Variants in SMYD3 observed in about 807,000 individuals in gnomAD.
SMYD3 encodes the protein histone-lysine N-methyltransferase SMYD3.
Under a neutral mutation model 57.7 loss-of-function variants are expected in SMYD3, and 36 were observed. The ratio of observed to expected loss-of-function variants is 0.62; its 90% CI spans 0.48 to 0.82. SMYD3 has a LOEUF of 0.82. Ranked by LOEUF, SMYD3 falls within the 40% of genes least tolerant of loss-of-function variation. SMYD3 has a pLI of 0.00. For synonymous variants in SMYD3, 211 were observed against 195.0 expected (o/e 1.08, Z -0.68); for missense variants, 515 against 538.8 (o/e 0.96, Z 0.44).
intron 5 of SMYD3, among the ~76,000 whole-genome samples, chr1:246,180,838 T>C (rs2148285733): frequency 7.4e-6 from 1 of 135,598 alleles, no homozygotes; most frequent in Middle Eastern, 4.5e-3. Context: ...TCACTATACC[T>C]AGTTTCCAGC....
intron 5 of SMYD3, among the ~76,000 whole-genome samples, chr1:246,004,282 AAAAG>A (rs982755742): frequency 4.9e-4 from 75 of 152,348 alleles, no homozygotes; most frequent in African/African-American, 1.6e-3. Flanking sequence ...AAAAATGCAA[AAAAG>A]AGAGAGAAGA....
chr1:246,384,553 G>A (rs974581305), intron 1 of SMYD3, among the ~76,000 whole-genome samples: 38 of 151,946 alleles, frequency 2.5e-4, no homozygotes, highest in Non-Finnish European at 4.3e-4. Flanking sequence ...CCGCCACCAC[G>A]CCCGGCTAAT....
At chr1:245,858,395 G>A in intron 10 of SMYD3, 101 bp downstream of exon 10, 1 of 1,190,944 alleles carries the variant, frequency 8.4e-7, no homozygotes, top group Non-Finnish European at 1.2e-6. Flanking sequence ...AGCTGGAAAT[G>A]CTCCATGCAA....
At chr1:246,035,986 C>A (rs2059766739) in intron 5 of SMYD3, among the ~76,000 whole-genome samples, 1 of 152,166 alleles carries the variant, frequency 6.6e-6, no homozygotes, top group South Asian at 2.1e-4. Flanking sequence ...ATAAATCGAA[C>A]CAACAGATGG....
At chr1:246,411,255 C>A (rs2066963320) in intron 1 of SMYD3, among the ~76,000 whole-genome samples, 1 of 152,064 alleles carries the variant, frequency 6.6e-6, no homozygotes, top group African/African-American at 2.4e-5. Flanking sequence ...CAGAGAAATG[C>A]AAATCAAAAC....
chr1:245,905,207 G>C (rs747170453), intron 8 of SMYD3, among the ~76,000 whole-genome samples: 1 of 151,836 alleles, frequency 6.6e-6, no homozygotes, highest in Non-Finnish European at 1.5e-5. Context: ...TTCTGTTTGA[G>C]AAAAGCAGAG....
At chr1:246,172,869 G>T (rs562838894) in intron 5 of SMYD3, among the ~76,000 whole-genome samples, 4 of 146,126 alleles carry the variant, frequency 2.7e-5, no homozygotes, top group Admixed American at 2.7e-4. Flanking sequence ...ACACACTTAG[G>T]CTACACAGGC....
intron 1 of SMYD3, among the ~76,000 whole-genome samples, chr1:246,394,055 A>G (rs534293147): frequency 1.3e-5 from 2 of 152,124 alleles, no homozygotes; most frequent in East Asian, 1.9e-4. Flanking sequence ...CAGTTAAATT[A>G]CTCCTCTCTG....
At chr1:246,468,244 G>A (rs12125376) in intron 1 of SMYD3, among the ~76,000 whole-genome samples, 72,365 of 151,448 alleles carry the variant, frequency 0.48, 17,728 homozygotes, top group Middle Eastern at 0.67. Context: ...AAGTAAATCA[G>A]TAAACATGAT....
chr1:246,347,749 T>C (rs1414651989), intron 2 of SMYD3, among the ~76,000 whole-genome samples: 1 of 152,040 alleles, frequency 6.6e-6, no homozygotes, highest in East Asian at 1.9e-4. Context: ...CCTCACTACA[T>C]ATAGCCATCT....
At chr1:246,351,145 C>T (rs534305571) in intron 2 of SMYD3, among the ~76,000 whole-genome samples, 16 of 152,210 alleles carry the variant, frequency 1.1e-4, no homozygotes, top group African/African-American at 3.9e-4. Flanking sequence ...AAAATGTAAA[C>T]CCAAAAATAC....
intron 1 of SMYD3, among the ~76,000 whole-genome samples, chr1:246,458,929 A>G (rs916794810): frequency 6.6e-6 from 1 of 152,182 alleles, no homozygotes; most frequent in Non-Finnish European, 1.5e-5. Context: ...CATCTGACCC[A>G]GTAGGCAAAA....
intron 1 of SMYD3, among the ~76,000 whole-genome samples, chr1:246,396,470 C>T (rs1302913895): frequency 6.6e-6 from 1 of 152,250 alleles, no homozygotes; most frequent in Non-Finnish European, 1.5e-5. Context: ...ACTGGATATA[C>T]ATCATCAACG....
chr1:245,938,504 G>T (rs2057074946), intron 5 of SMYD3, among the ~76,000 whole-genome samples: 1 of 152,210 alleles, frequency 6.6e-6, no homozygotes, highest in Admixed American at 6.5e-5. Context: ...AGGTCAGACA[G>T]CCCCTCTTTT....
intron 5 of SMYD3, among the ~76,000 whole-genome samples, chr1:245,961,535 G>A (rs1187555591): frequency 2.2e-3 from 2 of 900 alleles, no homozygotes; most frequent in African/African-American, 2.8e-3. Context: ...CAAACTGGAG[G>A]CCTAAATCAT....
chr1:246,325,366 A>C (rs2148658431), intron 5 of SMYD3, among the ~76,000 whole-genome samples: 1 of 152,032 alleles, frequency 6.6e-6, no homozygotes, highest in South Asian at 2.1e-4. Flanking sequence ...AATTAAAAAC[A>C]TTAACAAAAC....
chr1:246,321,031 T>G (rs1298983777), intron 5 of SMYD3, among the ~76,000 whole-genome samples: 1 of 152,252 alleles, frequency 6.6e-6, no homozygotes, highest in African/African-American at 2.4e-5. Context: ...TTTCTAAGAA[T>G]GTTGGCAACA....
At chr1:245,827,763 C>T (rs1572453726) in intron 10 of SMYD3, among the ~76,000 whole-genome samples, 1 of 152,170 alleles carries the variant, frequency 6.6e-6, no homozygotes. Context: ...GCTGGGTGGG[C>T]CCTGCCTTAT....
At chr1:245,843,485 T>TGG (rs1173365577) in intron 10 of SMYD3, among the ~76,000 whole-genome samples, 1 of 152,056 alleles carries the variant, frequency 6.6e-6, no homozygotes, top group Non-Finnish European at 1.5e-5. Context: ...TTCATTAAAA[T>TGG]ATCCACCATG....
Sources: allele counts gnomAD v4.1 joint callset (sites outside exome capture counted in the v4.1 genomes callset), GRCh38; gene constraint gnomAD v4.1.1; transcripts MANE v1.5; gene names NCBI Gene and HGNC (gene_info 2026-07-23, HGNC 2026-07-21).